Variants in CPEB4 observed in about 807,000 individuals in gnomAD.
CPEB4 encodes the protein cytoplasmic polyadenylation element binding protein 4, also known as cytoplasmic polyadenylation element-binding protein 4.
CPEB4 carries 12 observed loss-of-function variants against 72.5 expected under a neutral mutation model. That is an observed-to-expected ratio of 0.17 (90% CI 0.11 to 0.27). The LOEUF (loss-of-function observed/expected upper bound fraction) is 0.27. CPEB4 is among the 10% of genes least tolerant of loss of function. The pLI is 1.00. For synonymous variants in CPEB4, 302 were observed against 326.3 expected, an observed-to-expected ratio of 0.93 and a Z score of 0.80; for missense variants, 614 against 908.5, an observed-to-expected ratio of 0.68 and a Z score of 4.17.
intron 1 of CPEB4, among the ~76,000 whole-genome samples, chr5:173,894,721 A>G (rs1755942867): frequency 6.6e-6 from 1 of 151,896 alleles, no homozygotes; most frequent in African/African-American, 2.4e-5. Flanking sequence ...AGCAGAAATT[A>G]TTATTATTTT....
intron 8 of CPEB4, 39 bp from the exon 9 acceptor site, chr5:173,953,052 C>T (rs1758262493): frequency 1.3e-6 from 2 of 1,521,868 alleles, no homozygotes; most frequent in Admixed American, 1.9e-5. Flanking sequence ...GATGAATTTT[C>T]CTGATTTTAA....
chr5:173,890,252 A>C lies in CPEB4; in HGVS notation c.519A>C (p.Ala173=), dbSNP rs1190269424. Residue 173 remains alanine, a synonymous_variant, in exon 1 of 10, where the codon GCA becomes GCC. Transcript: ENST00000265085. Reference sequence around the variant, plus strand: ...TTACTGGTTTCAGTAACTGGTCAGCAGCGATAGCGCCTTCCTCCTCTACAA... The same window carrying C: ...TTACTGGTTTCAGTAACTGGTCAGCCGCGATAGCGCCTTCCTCCTCTACAA... The part of the protein sequence containing the change: ...SSLTGFSNWS[A]AIAPSSSTII... The C allele has an allele frequency of 6.2e-7, 1 of 1,614,110 alleles. No homozygotes were observed. Among genetic ancestry groups the C allele is most frequent in the Non-Finnish European group, 8.5e-7 (1 of 1,179,988 alleles).
chr5:173,921,587 G>C (rs919155111), intron 2 of CPEB4, among the ~76,000 whole-genome samples: 2 of 152,142 alleles, frequency 1.3e-5, no homozygotes, highest in African/African-American at 4.8e-5. Flanking sequence ...GCTACATCCT[G>C]CATGATGCCA....
At chr5:173,946,984 G>A (rs987150115) in intron 5 of CPEB4, among the ~76,000 whole-genome samples, 15 of 151,896 alleles carry the variant, frequency 9.9e-5, no homozygotes, top group Non-Finnish European at 2.9e-5. Context: ...GGCTCACATA[G>A]TGAGCCCTTA....
intron 2 of CPEB4, among the ~76,000 whole-genome samples, chr5:173,914,052 G>C (rs1343319815): frequency 6.6e-6 from 1 of 152,192 alleles, no homozygotes; most frequent in Non-Finnish European, 1.5e-5. Context: ...ATTACAGGAA[G>C]CTTGTGTGTT....
At chr5:173,941,244 C>T (rs1757829066) in intron 3 of CPEB4, among the ~76,000 whole-genome samples, 1 of 152,190 alleles carries the variant, frequency 6.6e-6, no homozygotes, top group Non-Finnish European at 1.5e-5. Flanking sequence ...CGTAAACAAG[C>T]ATCTGCTTTG....
chr5:173,932,425 A>G, intron 2 of CPEB4, 25 bp from the exon 3 acceptor site: 1 of 1,598,374 alleles, frequency 6.3e-7, no homozygotes, highest in South Asian at 1.1e-5. Context: ...AAGTAAACTT[A>G]GTAACGGCCT....
intron 2 of CPEB4, among the ~76,000 whole-genome samples, chr5:173,924,189 TAC>T (rs1757165339): frequency 6.6e-6 from 1 of 152,196 alleles, no homozygotes; most frequent in South Asian, 2.1e-4. Flanking sequence ...ATCATCATAT[TAC>T]AATTGAAACA....
chr5:173,905,336 G>A (rs1404619435), intron 1 of CPEB4, among the ~76,000 whole-genome samples: 2 of 151,698 alleles, frequency 1.3e-5, no homozygotes, highest in East Asian at 3.9e-4. Context: ...AAAATGCCAT[G>A]ATTGTCTTTT....
At chr5:173,924,016 A>G (rs1474266016) in intron 2 of CPEB4, among the ~76,000 whole-genome samples, 1 of 152,064 alleles carries the variant, frequency 6.6e-6, no homozygotes, top group Non-Finnish European at 1.5e-5. Context: ...AAATTCTTAG[A>G]TGCTTTTAGA....
At chr5:173,898,234 G>A (rs911945152) in intron 1 of CPEB4, among the ~76,000 whole-genome samples, 1 of 151,750 alleles carries the variant, frequency 6.6e-6, no homozygotes, top group South Asian at 2.1e-4. Flanking sequence ...GTTCTTCCAG[G>A]TATTCTTGAG....
At chr5:173,927,712 G>C (rs950522546) in intron 2 of CPEB4, among the ~76,000 whole-genome samples, 8 of 151,618 alleles carry the variant, frequency 5.3e-5, no homozygotes, top group African/African-American at 1.9e-4. Flanking sequence ...AGGAAGCAGA[G>C]GTTGCAGTAA....
Position 173,955,813 on chromosome 5 carries a change from G to A in CPEB4, c.1963-97G>A. The A allele has an allele frequency of 1.0e-6, 1 of 984,560 alleles. No individual in the cohort carries two copies. Among genetic ancestry groups the A allele is most frequent in the Non-Finnish European group, 1.5e-6 (1 of 653,324 alleles). The allele number at this position is 984,560 out of a possible 1,614,324, so 61.0% of individuals were successfully genotyped here. On this transcript the variant is annotated intron_variant, in intron 9 of 9. Transcript: ENST00000265085. The surrounding 1 kb of genome is among the most constrained non-coding windows in gnomAD (Gnocchi z 4.7). ...TAGTCCTTCCTCTTTGGGCACCTTG[G>A]AACAGATTCATTCAGATAGTGGGTG...
intron 2 of CPEB4, among the ~76,000 whole-genome samples, chr5:173,911,943 T>C (rs1179345385): frequency 6.6e-6 from 1 of 152,144 alleles, no homozygotes; most frequent in Non-Finnish European, 1.5e-5. Context: ...CAGAAAAACA[T>C]TTTATGTATT....
chr5:173,896,673 A>G (rs1486384491), intron 1 of CPEB4, among the ~76,000 whole-genome samples: 1 of 152,242 alleles, frequency 6.6e-6, no homozygotes, highest in Non-Finnish European at 1.5e-5. Flanking sequence ...TAAAATGCAT[A>G]TATAAAGCTT....
At chr5:173,936,362 A>G (rs1757621106) in intron 3 of CPEB4, among the ~76,000 whole-genome samples, 1 of 152,222 alleles carries the variant, frequency 6.6e-6, no homozygotes, top group Non-Finnish European at 1.5e-5. Context: ...CTTCTTATAA[A>G]GACACCAGTC....
intron 3 of CPEB4, among the ~76,000 whole-genome samples, chr5:173,938,248 C>T (rs575934364): frequency 7.9e-5 from 12 of 152,196 alleles, no homozygotes; most frequent in Middle Eastern, 3.4e-3. Context: ...TGTTTTGAGA[C>T]GGAATCTCGC....
rs1758435315 is a variant in CPEB4 at position 173,958,078 on chromosome 5, C to T, written c.*1941C>T. On this transcript the variant is annotated 3_prime_UTR_variant, in exon 10 of 10. Coordinates refer to ENST00000265085, the MANE Select transcript of CPEB4 (RefSeq NM_030627.4). ...TTGCCTCTTTTTACTCTTTTAAATG[C>T]TTGTAGGTGGCTTGGGGTGTGCTAT... 1 of 152,632 alleles carries T rather than the reference C, an allele frequency of 6.6e-6. No homozygotes were observed. The highest frequency in any genetic ancestry group is 6.6e-5 in the Admixed American group (1 of 15,242). The allele number at this position is 152,632 out of a possible 1,614,324, so 9.5% of individuals were successfully genotyped here.
Position 173,890,277 on chromosome 5 carries a change from A to G in CPEB4, c.544A>G (p.Ile182Val), listed in dbSNP as rs781718216. 8.1e-6 allele frequency: 13 copies of G among 1,613,932 alleles called. No individual in the cohort carries two copies. In the South Asian group the frequency reaches 1.2e-4, roughly 15 times the overall value. Residue 182 changes from isoleucine to valine, a missense_variant, in exon 1 of 10, where the codon ATA (isoleucine) becomes GTA (valine). Ile to Val is a conservative substitution (Grantham distance 29). This residue lies in a region of CPEB4 where 458 missense variants were observed against 548.6 expected (regional missense o/e 0.83). Coordinates refer to ENST00000265085, the MANE Select transcript of CPEB4 (RefSeq NM_030627.4). ...AGCGATAGCGCCTTCCTCCTCTACAATAATCAATGAAGATGCAAGTTTCTT... is the reference window on the plus strand; with the variant it reads ...AGCGATAGCGCCTTCCTCCTCTACAGTAATCAATGAAGATGCAAGTTTCTT... The part of the protein sequence containing the change: ...SAAIAPSSST[I>V]INEDASFFHQ...
Sources: gnomAD v4.1 joint callset for allele counts (sites outside exome capture counted in the v4.1 genomes callset) on GRCh38, gnomAD v4.1.1 for gene constraint, gnomAD v4.1.1 regional missense constraint, Gnocchi (gnomAD v3.1) non-coding constraint, MANE v1.5 for transcripts, NCBI Gene and HGNC (gene_info 2026-07-23, HGNC 2026-07-21) for gene names.